The following RARB variants were observed in gnomAD, a reference collection of about 807,000 sequenced individuals.
RARB encodes the protein HBV-activated protein.
In RARB, 17 loss-of-function variants were observed where a neutral mutation model predicts 51.9. That is an observed-to-expected ratio of 0.33 (90% CI 0.22 to 0.49). RARB has a LOEUF of 0.49. Ranked by LOEUF, RARB falls within the 20% of genes least tolerant of loss-of-function variation. RARB has a pLI of 0.99. For missense variants in RARB, 369 were observed against 550.8 expected (o/e 0.67, Z 3.30); for synonymous variants, 215 against 195.4 (o/e 1.10, Z -0.84).
intron 5 of RARB, among the ~76,000 whole-genome samples, chr3:25,338,460 G>A (rs887013583): frequency 2.6e-5 from 4 of 152,276 alleles, no homozygotes; most frequent in African/African-American, 9.6e-5. Context: ...GTAGATAGGC[G>A]GCTGGAGAGT....
intron 2 of RARB, among the ~76,000 whole-genome samples, chr3:24,934,413 G>T (rs1165144795): frequency 1.3e-5 from 2 of 152,046 alleles, no homozygotes; most frequent in East Asian, 1.9e-4. Context: ...TGACTTCGAA[G>T]ATTTAAATTA....
intron 3 of RARB, among the ~76,000 whole-genome samples, chr3:25,552,646 C>G (rs1296729096): frequency 6.6e-6 from 1 of 152,172 alleles, no homozygotes; most frequent in African/African-American, 2.4e-5. Flanking sequence ...TCTCACTCTT[C>G]ACCTTTCTGC....
chr3:24,864,758 C>T (rs1330453345), intron 2 of RARB, among the ~76,000 whole-genome samples: 1 of 152,106 alleles, frequency 6.6e-6, no homozygotes, highest in Non-Finnish European at 1.5e-5. Flanking sequence ...ATGTTGCCTG[C>T]AAAGACTAAA....
intron 3 of RARB, among the ~76,000 whole-genome samples, chr3:25,117,820 T>C (rs563733760): frequency 1.3e-5 from 2 of 152,328 alleles, no homozygotes; most frequent in African/African-American, 4.8e-5. Flanking sequence ...CTTATTTCTA[T>C]CCTTCCTTGT....
At chr3:24,920,154 G>A (rs1695188415) in intron 2 of RARB, among the ~76,000 whole-genome samples, 2 of 152,152 alleles carry the variant, frequency 1.3e-5, no homozygotes, top group South Asian at 4.1e-4. Context: ...TCTTGAAGAG[G>A]TCCTGCTGGG....
At chr3:25,174,327 T>A (rs1700700292) in exon 5 of RARB, 1 of 1,265,510 alleles carries the variant, frequency 7.9e-7, no homozygotes, top group African/African-American at 1.5e-5. Flanking sequence ...TTTGCCTCCC[T>A]CACTTTGGTT....
At chr3:25,277,236 T>C (rs955486755) in intron 5 of RARB, among the ~76,000 whole-genome samples, 3 of 151,972 alleles carry the variant, frequency 2.0e-5, no homozygotes, top group African/African-American at 4.8e-5. Context: ...TGGAGGCCAA[T>C]ATAGGGGGAG....
chr3:25,142,955 T>C (rs753398107), intron 4 of RARB, among the ~76,000 whole-genome samples: 11 of 152,076 alleles, frequency 7.2e-5, no homozygotes, highest in Non-Finnish European at 1.0e-4. Context: ...AAATACATAT[T>C]ATATTTAAAA....
At chr3:25,367,817 C>A (rs959313465) in intron 5 of RARB, among the ~76,000 whole-genome samples, 28 of 125,594 alleles carry the variant, frequency 2.2e-4, no homozygotes, top group East Asian at 4.6e-4. Flanking sequence ...AAAAAACAAG[C>A]AAAAAAAAAA....
chr3:25,138,435 T>C (rs1253315855), intron 4 of RARB, among the ~76,000 whole-genome samples: 1 of 151,994 alleles, frequency 6.6e-6, no homozygotes, highest in Non-Finnish European at 1.5e-5. Context: ...CCCTGGTTTG[T>C]TGTACCAAGG....
rs891966943 is a variant in RARB, at chr3:25,596,891, C to T, written c.*275C>T. 3.5e-6 allele frequency: 1 copy of T among 286,240 alleles called. No homozygotes were observed. The highest frequency in any genetic ancestry group is 6.5e-6 in the Non-Finnish European group (1 of 153,078). The allele number at this position is 286,240 out of a possible 1,614,324, so 17.7% of individuals were successfully genotyped here. On this transcript the variant is annotated 3_prime_UTR_variant, in exon 8 of 8. Coordinates refer to ENST00000330688, the MANE Select transcript of RARB (RefSeq NM_000965.5). Reference sequence around the variant, plus strand: ...TTTCCTCTTTGAACACTCAAGATTGCATGGCAAAGACCCAGTCAAAATGAT... The same window carrying T: ...TTTCCTCTTTGAACACTCAAGATTGTATGGCAAAGACCCAGTCAAAATGAT...
At chr3:24,991,607 T>C (rs560495486) in intron 2 of RARB, among the ~76,000 whole-genome samples, 1 of 152,296 alleles carries the variant, frequency 6.6e-6, no homozygotes, top group South Asian at 2.1e-4. Flanking sequence ...TTTCCTGATT[T>C]TCAAGAAGAT....
At chr3:25,309,073 G>A (rs1294427812) in intron 5 of RARB, among the ~76,000 whole-genome samples, 2 of 150,208 alleles carry the variant, frequency 1.3e-5, no homozygotes, top group Non-Finnish European at 3.0e-5. Flanking sequence ...GTACCTTGCT[G>A]ATTTCCCTTT....
chr3:24,913,408 T>C (rs1440456308), intron 2 of RARB, among the ~76,000 whole-genome samples: 2 of 149,496 alleles, frequency 1.3e-5, no homozygotes, highest in African/African-American at 4.9e-5. Context: ...CTCTCTTTTT[T>C]TTTTTTTTTT....
chr3:25,018,778 A>G (rs1435272759), intron 2 of RARB, among the ~76,000 whole-genome samples: 1 of 152,198 alleles, frequency 6.6e-6, no homozygotes, highest in Admixed American at 6.5e-5. Flanking sequence ...GTAAAATTGT[A>G]TCATTCCATC....
chr3:25,459,106 T>C (rs953819404), intron 1 of RARB, among the ~76,000 whole-genome samples: 17 of 152,140 alleles, frequency 1.1e-4, no homozygotes, highest in African/African-American at 4.1e-4. Context: ...TATACAAACA[T>C]CTAAAATTTG....
intron 5 of RARB, among the ~76,000 whole-genome samples, chr3:25,400,013 A>G (rs1204207280): frequency 6.6e-6 from 1 of 152,228 alleles, no homozygotes; most frequent in Non-Finnish European, 1.5e-5. Flanking sequence ...GGATTCTCCT[A>G]AAGAGTTAAT....
At chr3:25,323,528 T>C (rs1704629619) in intron 5 of RARB, among the ~76,000 whole-genome samples, 2 of 152,220 alleles carry the variant, frequency 1.3e-5, no homozygotes, top group Non-Finnish European at 2.9e-5. Flanking sequence ...TTATAACATA[T>C]TCAAAATCTT....
intron 1 of RARB, among the ~76,000 whole-genome samples, chr3:25,451,005 T>G (rs1031195806): frequency 1.3e-5 from 2 of 152,150 alleles, no homozygotes; most frequent in African/African-American, 4.8e-5. Flanking sequence ...GAGAATCTCT[T>G]GATCCCGGGA....
Sources: allele counts gnomAD v4.1 joint callset (sites outside exome capture counted in the v4.1 genomes callset), GRCh38; gene constraint gnomAD v4.1.1; transcripts MANE v1.5; gene names NCBI Gene and HGNC (gene_info 2026-07-23, HGNC 2026-07-21).